SLC6A11: variants seen among roughly 807,000 people sequenced by gnomAD.
SLC6A11 encodes the protein solute carrier family 6 member 11.
SLC6A11 carries 25 observed loss-of-function variants against 74.8 expected under a neutral mutation model. The observed-to-expected ratio is 0.33, with a 90% confidence interval of 0.24 to 0.47. The LOEUF (loss-of-function observed/expected upper bound fraction) is 0.47, where lower values mean the gene tolerates loss of function less well. SLC6A11 is among the 20% of genes least tolerant of loss of function. The pLI, the probability that SLC6A11 is intolerant of heterozygous loss-of-function variation, is 1.00. For synonymous variants in SLC6A11, 330 were observed against 330.2 expected (o/e 1.00, Z 0.01); for missense variants, 574 against 837.0 (o/e 0.69, Z 3.88).
chr3:10,819,450 T>C lies in SLC6A11; in HGVS notation c.257-15T>C. 2 of 1,602,078 alleles carry C rather than the reference T, an allele frequency of 1.2e-6. No individual in the cohort carries two copies. The highest frequency in any genetic ancestry group is 1.7e-6 in the Non-Finnish European group (2 of 1,176,652). ...GCAGGGACAGTTTTCATTTCATTCC[T>C]TTGCATCCTTACAGGGGCATTCCTG... On this transcript the variant is annotated splice_polypyrimidine_tract_variant and intron_variant, in intron 1 of 13. Transcript: ENST00000254488.
intron 6 of SLC6A11, 67 bp from the exon 7 acceptor site, chr3:10,912,023 A>G: frequency 9.4e-7 from 1 of 1,067,814 alleles, no homozygotes; most frequent in South Asian, 1.3e-5. Context: ...GATTTCAGAG[A>G]CCAGGGCTAC....
intron 6 of SLC6A11, among the ~76,000 whole-genome samples, chr3:10,876,599 G>A (rs907222528): frequency 6.6e-6 from 1 of 151,972 alleles, no homozygotes; most frequent in African/African-American, 2.4e-5. Context: ...CTGATTCTAG[G>A]CCCTACTCCC....
chr3:10,846,615 G>A (rs1694506641), intron 5 of SLC6A11, among the ~76,000 whole-genome samples: 1 of 152,216 alleles, frequency 6.6e-6, no homozygotes, highest in Non-Finnish European at 1.5e-5. Context: ...GAGCGTTGGA[G>A]AATTCTAATG....
At chr3:10,877,939 C>T (rs902000862) in intron 6 of SLC6A11, among the ~76,000 whole-genome samples, 11 of 152,146 alleles carry the variant, frequency 7.2e-5, no homozygotes, top group African/African-American at 1.4e-4. Flanking sequence ...TCCACCTGAC[C>T]CCCGACTCCG....
Position 10,816,577 on chromosome 3 carries a change from G to T in SLC6A11, c.256+56G>T. Reference sequence around the variant, plus strand: ...GCGCCAACCGCCCGGTGGGGGCGGGGAGCCAGGGGCGAGCGCGAGACCCCC... The same window carrying T: ...GCGCCAACCGCCCGGTGGGGGCGGGTAGCCAGGGGCGAGCGCGAGACCCCC... On this transcript the variant is annotated intron_variant, in intron 1 of 13. Coordinates refer to ENST00000254488, the MANE Select transcript of SLC6A11 (RefSeq NM_014229.3). The surrounding 1 kb of genome is among the most constrained non-coding windows in gnomAD (Gnocchi z 4.2). 6.8e-7 allele frequency: 1 copy of T among 1,481,086 alleles called. No homozygotes were observed. The highest frequency in any genetic ancestry group is 9.0e-7 in the Non-Finnish European group (1 of 1,109,372). The allele number at this position is 1,481,086 out of a possible 1,614,324, so 91.7% of individuals were successfully genotyped here.
chr3:10,926,253 C>T lies in SLC6A11; in HGVS notation c.1233+137C>T. 1.6e-6 allele frequency: 1 copy of T among 629,428 alleles called. No individual in the cohort carries two copies. Among genetic ancestry groups the T allele is most frequent in the Non-Finnish European group, 2.8e-6 (1 of 352,018 alleles). 39.0% of individuals were successfully genotyped at this position (629,428 alleles called of 1,614,324 possible). A position where few individuals can be genotyped will look rare whatever the true frequency, so the allele number is the denominator to read the frequency against. ...GCATCAGGGCCCTGCCCACCGTCCC[C>T]CATTCCACCCTCCACTTCCCTCCCA... On this transcript the variant is annotated intron_variant, in intron 9 of 13. Transcript: ENST00000254488. This position sits in a 1 kb window ranked among gnomAD's most constrained non-coding sequence, Gnocchi z 5.7.
chr3:10,819,421 A>G (rs1389409709), intron 1 of SLC6A11, 44 bp from the exon 2 acceptor site: 1 of 1,573,740 alleles, frequency 6.4e-7, no homozygotes, highest in East Asian at 2.2e-5. Flanking sequence ...CCAAGTATGA[A>G]TCGGCAGGGA....
At chr3:10,935,827 A>G (rs1441841546) in intron 13 of SLC6A11, among the ~76,000 whole-genome samples, 8 of 152,192 alleles carry the variant, frequency 5.3e-5, no homozygotes, top group Non-Finnish European at 1.2e-4. Flanking sequence ...AATGTTCCAC[A>G]TTGTGCAGTC....
chr3:10,894,417 G>A (rs1695145704), intron 6 of SLC6A11, among the ~76,000 whole-genome samples: 1 of 152,212 alleles, frequency 6.6e-6, no homozygotes, highest in African/African-American at 2.4e-5. Flanking sequence ...GGCCTGCAGA[G>A]AGCAGAGAGA....
At chr3:10,867,631 A>G (rs1694781512) in intron 5 of SLC6A11, among the ~76,000 whole-genome samples, 1 of 152,196 alleles carries the variant, frequency 6.6e-6, no homozygotes, top group Non-Finnish European at 1.5e-5. Context: ...GAAACCATCC[A>G]TCTGGTCCTT....
intron 10 of SLC6A11, among the ~76,000 whole-genome samples, chr3:10,931,277 C>T (rs982027901): frequency 2.0e-5 from 3 of 152,154 alleles, no homozygotes; most frequent in Non-Finnish European, 4.4e-5. Flanking sequence ...CCATGAAGGA[C>T]CAACTGGATT....
chr3:10,913,131 A>G (rs1308561558), intron 7 of SLC6A11, among the ~76,000 whole-genome samples: 1 of 150,658 alleles, frequency 6.6e-6, no homozygotes, highest in Non-Finnish European at 1.5e-5. Context: ...AGATTCTCAT[A>G]TATCATCCCA....
intron 10 of SLC6A11, among the ~76,000 whole-genome samples, chr3:10,930,391 A>G (rs149758448): frequency 2.0e-5 from 3 of 152,326 alleles, no homozygotes; most frequent in African/African-American, 7.2e-5. Flanking sequence ...TCATGCCCTC[A>G]GAGCCAATTC....
intron 5 of SLC6A11, among the ~76,000 whole-genome samples, chr3:10,866,141 G>A (rs1262788817): frequency 6.6e-6 from 1 of 152,200 alleles, no homozygotes; most frequent in Non-Finnish European, 1.5e-5. Context: ...TTTCCTTAGG[G>A]TGTTGCCCTC....
At chr3:10,933,804 G>A (rs113511549) in intron 11 of SLC6A11, among the ~76,000 whole-genome samples, 23 of 152,182 alleles carry the variant, frequency 1.5e-4, no homozygotes, top group African/African-American at 2.9e-4. Flanking sequence ...ATCACCTTCC[G>A]CCTTTCTCCC....
At chr3:10,832,510 A>C (rs1694310702) in intron 4 of SLC6A11, among the ~76,000 whole-genome samples, 1 of 152,208 alleles carries the variant, frequency 6.6e-6, no homozygotes. Flanking sequence ...TATTTAACTG[A>C]TGTTAAAAAT....
intron 5 of SLC6A11, among the ~76,000 whole-genome samples, chr3:10,867,790 T>C (rs955323394): frequency 2.0e-5 from 3 of 152,198 alleles, no homozygotes; most frequent in Non-Finnish European, 4.4e-5. Context: ...TATGCTGAGG[T>C]GCTGGTTTAT....
chr3:10,849,686 A>G (rs1358582125), intron 5 of SLC6A11, among the ~76,000 whole-genome samples: 1 of 152,094 alleles, frequency 6.6e-6, no homozygotes, highest in East Asian at 1.9e-4. Flanking sequence ...TGAAACAACA[A>G]TTTCACATAA....
intron 12 of SLC6A11, 43 bp from the exon 13 acceptor site, chr3:10,934,986 C>T: frequency 1.3e-6 from 2 of 1,567,810 alleles, no homozygotes; most frequent in South Asian, 2.3e-5. Context: ...CCTAGCAGGG[C>T]TGAGGGCCCA....
Sources: gnomAD v4.1 joint callset for allele counts (sites outside exome capture counted in the v4.1 genomes callset) on GRCh38, gnomAD v4.1.1 for gene constraint, Gnocchi (gnomAD v3.1) non-coding constraint, MANE v1.5 for transcripts, NCBI Gene and HGNC (gene_info 2026-07-23, HGNC 2026-07-21) for gene names.